The following SAXO1 variants were observed in gnomAD, a reference collection of about 807,000 sequenced individuals.
SAXO1 encodes the protein 4930500O09Rik.
In SAXO1, 21 loss-of-function variants were observed where a neutral mutation model predicts 17.5. That is an observed-to-expected ratio of 1.20 (90% CI 0.85 to 1.72). The LOEUF (loss-of-function observed/expected upper bound fraction) is 1.72. SAXO1 is among the 40% of genes most tolerant of loss of function. SAXO1 has a pLI of 0.00. For missense variants in SAXO1, 843 were observed against 596.0 expected (o/e 1.41, Z -4.32); for synonymous variants, 274 against 216.5 (o/e 1.27, Z -2.33).
chr9:19,001,873 A>C (rs1834285765), intron 1 of SAXO1, among the ~76,000 whole-genome samples: 1 of 152,106 alleles, frequency 6.6e-6, no homozygotes. Context: ...AAAGCTAGCA[A>C]AGGCAAGAAA....
At chr9:18,989,803 G>T (rs914798374) in intron 1 of SAXO1, among the ~76,000 whole-genome samples, 1 of 152,154 alleles carries the variant, frequency 6.6e-6, no homozygotes, top group African/African-American at 2.4e-5. Context: ...CAACTTGAGG[G>T]ACATGATAAG....
chr9:19,046,054 C>A (rs1183326384), intron 1 of SAXO1, among the ~76,000 whole-genome samples: 1 of 128,310 alleles, frequency 7.8e-6, no homozygotes. Flanking sequence ...CGCCGTTGCG[C>A]CTGGGCAACA....
intron 1 of SAXO1, among the ~76,000 whole-genome samples, chr9:18,985,843 G>C (rs1021289003): frequency 6.6e-6 from 1 of 152,210 alleles, no homozygotes; most frequent in African/African-American, 2.4e-5. Flanking sequence ...CATCAGGCAA[G>C]ACACATGTCA....
At chr9:19,028,459 C>T (rs1488542058) in intron 1 of SAXO1, among the ~76,000 whole-genome samples, 2 of 152,302 alleles carry the variant, frequency 1.3e-5, no homozygotes, top group Admixed American at 1.3e-4. Context: ...CAATTGGAAA[C>T]ATTATACTCT....
chr9:19,046,756 C>T (rs1836227396), intron 1 of SAXO1, among the ~76,000 whole-genome samples: 1 of 151,798 alleles, frequency 6.6e-6, no homozygotes, highest in African/African-American at 2.4e-5. Flanking sequence ...ATCCTAGCTA[C>T]TTGGGAGGCT....
intron 1 of SAXO1, among the ~76,000 whole-genome samples, chr9:18,999,486 C>T (rs530071508): frequency 1.3e-3 from 200 of 150,542 alleles, no homozygotes; most frequent in African/African-American, 4.6e-3. Context: ...CACCTCTGCC[C>T]GGCCGCCCCA....
chr9:19,022,591 A>G (rs951687548), intron 1 of SAXO1, among the ~76,000 whole-genome samples: 8 of 152,164 alleles, frequency 5.3e-5, no homozygotes, highest in Non-Finnish European at 8.8e-5. Context: ...TTATGGGGAA[A>G]GATAGTGATT....
At chr9:18,949,466 A>AT (rs1554669690) in intron 2 of SAXO1, among the ~76,000 whole-genome samples, 3 of 151,678 alleles carry the variant, frequency 2.0e-5, no homozygotes, top group African/African-American at 7.3e-5. Context: ...TAAAAAAAAA[A>AT]TTTTTTTTAA....
At chr9:18,982,464 A>C (rs7871030) in intron 1 of SAXO1, among the ~76,000 whole-genome samples, 78,397 of 151,886 alleles carry the variant, frequency 0.52, 21,831 homozygotes, top group Non-Finnish European at 0.63. Context: ...TGCAAAGTAC[A>C]ATGAAACACA....
upstream of SAXO1, among the ~76,000 whole-genome samples, chr9:19,034,640 C>T (rs996539089): frequency 3.3e-5 from 5 of 152,136 alleles, no homozygotes; most frequent in African/African-American, 9.7e-5. Flanking sequence ...GCTTATTGAT[C>T]ATTCTTAAGA....
intron 1 of SAXO1, among the ~76,000 whole-genome samples, chr9:18,960,703 T>C (rs542637557): frequency 1.3e-5 from 2 of 151,990 alleles, no homozygotes; most frequent in South Asian, 4.2e-4. Flanking sequence ...GACACATGAG[T>C]CCAGAGGGTT....
intron 1 of SAXO1, among the ~76,000 whole-genome samples, chr9:18,966,672 C>A (rs1832728933): frequency 6.6e-6 from 1 of 152,138 alleles, no homozygotes; most frequent in Non-Finnish European, 1.5e-5. Context: ...AGCTTCCTTG[C>A]AATTGGGTAG....
chr9:18,968,029 G>A (rs1832796343), intron 1 of SAXO1, among the ~76,000 whole-genome samples: 1 of 152,162 alleles, frequency 6.6e-6, no homozygotes, highest in Non-Finnish European at 1.5e-5. Context: ...CGCTTCCTGG[G>A]TGAGGCGACG....
At chr9:19,044,967 A>G (rs1418590220) in intron 1 of SAXO1, among the ~76,000 whole-genome samples, 1 of 152,128 alleles carries the variant, frequency 6.6e-6, no homozygotes, top group Non-Finnish European at 1.5e-5. Context: ...AGCATCAGTG[A>G]GAGCAGAGAC....
At chr9:19,023,370 G>A (rs1835330028) in intron 1 of SAXO1, among the ~76,000 whole-genome samples, 1 of 152,074 alleles carries the variant, frequency 6.6e-6, no homozygotes, top group Non-Finnish European at 1.5e-5. Flanking sequence ...GCCTTACTGT[G>A]GATGCACGCA....
At chr9:18,980,122 A>G (rs950322141) in intron 1 of SAXO1, among the ~76,000 whole-genome samples, 1 of 152,182 alleles carries the variant, frequency 6.6e-6, no homozygotes, top group Non-Finnish European at 1.5e-5. Flanking sequence ...TTTATTCTTC[A>G]TGATTAACAA....
At chr9:18,948,137 G>A (rs187286811) in intron 2 of SAXO1, among the ~76,000 whole-genome samples, 2 of 152,298 alleles carry the variant, frequency 1.3e-5, no homozygotes, top group East Asian at 1.9e-4. Context: ...CTGGGCTGAC[G>A]CATCCCTTCC....
chr9:18,939,083 A>G (rs989975415), intron 3 of SAXO1, among the ~76,000 whole-genome samples: 1 of 152,020 alleles, frequency 6.6e-6, no homozygotes, highest in Admixed American at 6.6e-5. Flanking sequence ...TCATAAACCA[A>G]CAGGGCCCAC....
chr9:18,980,397 G>T (rs183650039), intron 1 of SAXO1, among the ~76,000 whole-genome samples: 1 of 152,162 alleles, frequency 6.6e-6, no homozygotes, highest in Admixed American at 6.5e-5. Flanking sequence ...AGCTTCAGGA[G>T]ATGAAGAAGT....
Sources: allele counts gnomAD v4.1 joint callset (sites outside exome capture counted in the v4.1 genomes callset), GRCh38; gene constraint gnomAD v4.1.1; transcripts MANE v1.5; gene names NCBI Gene and HGNC (gene_info 2026-07-23, HGNC 2026-07-21).